Variants in MAPK8IP1 observed in about 807,000 individuals in gnomAD.
MAPK8IP1 encodes C-Jun-amino-terminal kinase-interacting protein 1.
MAPK8IP1 carries 17 observed loss-of-function variants against 72.6 expected under a neutral mutation model. That is an observed-to-expected ratio of 0.23 (90% CI 0.16 to 0.35). MAPK8IP1 has a LOEUF of 0.35. Ranked by LOEUF, MAPK8IP1 falls within the 10% of genes least tolerant of loss-of-function variation. The probability of loss-of-function intolerance (pLI) is 1.00; values close to 1 mark genes in which losing one functional copy is unlikely to be tolerated. For synonymous variants in MAPK8IP1, 401 were observed against 443.4 expected (o/e 0.90, Z 1.20); for missense variants, 789 against 1,009.7 (o/e 0.78, Z 2.96).
intron 10 of MAPK8IP1, 39 bp from the exon 11 acceptor site, chr11:45,905,112 C>T (rs907108242): frequency 5.6e-6 from 9 of 1,611,034 alleles, no homozygotes; most frequent in South Asian, 2.2e-5. Context: ...GGGTGTGGGC[C>T]GAGCCCCCGT....
At chr11:45,894,728 G>A (rs993394690) in intron 1 of MAPK8IP1, among the ~76,000 whole-genome samples, 2 of 152,168 alleles carry the variant, frequency 1.3e-5, no homozygotes, top group Non-Finnish European at 2.9e-5. Flanking sequence ...GGATGAACTC[G>A]CCAGCTCTGC....
chr11:45,897,445 T>C (rs1006519813), intron 1 of MAPK8IP1, among the ~76,000 whole-genome samples: 2 of 152,206 alleles, frequency 1.3e-5, no homozygotes, highest in African/African-American at 4.8e-5. Context: ...TGCAGCCTCC[T>C]GTTCAGGGTC....
Position 45,885,908 on chromosome 11 carries a change from C to T in MAPK8IP1, c.88C>T (p.Pro30Ser), listed in dbSNP as rs768043878. 6.8e-7 allele frequency: 1 copy of T among 1,477,396 alleles called. No homozygotes were observed. Among genetic ancestry groups the T allele is most frequent in the Non-Finnish European group, 9.0e-7 (1 of 1,110,612 alleles). The allele number at this position is 1,477,396 out of a possible 1,614,324, so 91.5% of individuals were successfully genotyped here. A position where few individuals can be genotyped will look rare whatever the true frequency, so the allele number is the denominator to read the frequency against. Residue 30 changes from proline (P) to serine (S), a missense_variant, in exon 1 of 12, where the codon CCT becomes TCT. Physicochemically the swap from Pro to Ser is moderately conservative, Grantham distance 74. This residue lies in a region of MAPK8IP1 where 112 missense variants were observed against 111.8 expected (regional missense o/e 1.00). Coordinates refer to ENST00000241014, the MANE Select transcript of MAPK8IP1 (RefSeq NM_005456.4). ...GTTCCTGGGGCTGCACATCGCTTCGCCTCCCAATTTCAGGTGAGAGTCCCC... is the reference window on the plus strand; with the variant it reads ...GTTCCTGGGGCTGCACATCGCTTCGTCTCCCAATTTCAGGTGAGAGTCCCC... ...SPFLGLHIAS[P>S]PNFRLTHDIS... is the part of the protein sequence containing the mutation.
chr11:45,905,585 T>TC, intron 11 of MAPK8IP1, 64 bp from the exon 12 acceptor site: 1 of 1,455,092 alleles, frequency 6.9e-7, no homozygotes, highest in Admixed American at 1.7e-5. Context: ...AAACCCTGGG[T>TC]CGGGATCCTG....
At position 45,885,680 on chromosome 11, in the gene MAPK8IP1, C is replaced by T. The variant is rs992426248; in HGVS notation, c.-141C>T. ...CCGCGGGCCGTGCGCGGTGCTGTGC[C>T]GCGCCCTGCCAGACACAGGTGCGCC... On this transcript the variant is annotated 5_prime_UTR_variant, in exon 1 of 12. Transcript: ENST00000241014. 8.0e-6 allele frequency: 3 copies of T among 375,018 alleles called. No homozygotes were observed. The highest frequency in any genetic ancestry group is 4.6e-5 in the East Asian group (1 of 21,966). 23.2% of individuals were successfully genotyped at this position (375,018 alleles called of 1,614,324 possible).
At position 45,902,723 on chromosome 11, in the gene MAPK8IP1, C is replaced by G; in HGVS notation, c.956C>G (p.Pro319Arg). Residue 319 changes from proline (P) to arginine (R), a missense_variant, in exon 5 of 12, where the codon CCC becomes CGC. Transcript: ENST00000241014. The surrounding 1 kb of genome is among the most constrained non-coding windows in gnomAD (Gnocchi z 9.3). Reference protein sequence around the residue: ...VSSDPDPAAYPSTAGRPHPSI... With the variant: ...VSSDPDPAAYRSTAGRPHPSI... ...TCCGATCCAGACCCTGCCGCCTACC[C>G]CTCCACGGCAGGGCGGCCGCACCCC... 6.2e-7 allele frequency: 1 copy of G among 1,608,118 alleles called. No homozygotes were observed. The highest frequency in any genetic ancestry group is 8.5e-7 in the Non-Finnish European group (1 of 1,179,510).
chr11:45,895,631 A>T (rs866275017), intron 1 of MAPK8IP1, among the ~76,000 whole-genome samples: 1 of 34,638 alleles, frequency 2.9e-5, no homozygotes, highest in African/African-American at 5.7e-5. Flanking sequence ...AAAAAAAAAA[A>T]AAATATATAT....
Position 45,902,188 on chromosome 11 carries a change from G to C in MAPK8IP1, c.604+127G>C. The C allele has an allele frequency of 9.7e-7, 1 of 1,032,050 alleles. No homozygotes were observed. The highest frequency in any genetic ancestry group is 2.4e-5 in the East Asian group (1 of 41,854). 63.9% of individuals were successfully genotyped at this position (1,032,050 alleles called of 1,614,324 possible). On this transcript the variant is annotated intron_variant, in intron 4 of 11. Coordinates refer to ENST00000241014, the MANE Select transcript of MAPK8IP1 (RefSeq NM_005456.4). The surrounding 1 kb of genome is among the most constrained non-coding windows in gnomAD (Gnocchi z 9.3). ...GAACTGCCCACCCACATCCCTGCACGAGCCCATCCAGGGGCTGAGATCAGT... is the reference window on the plus strand; with the variant it reads ...GAACTGCCCACCCACATCCCTGCACCAGCCCATCCAGGGGCTGAGATCAGT...
chr11:45,893,970 G>T (rs2086585133), intron 1 of MAPK8IP1, among the ~76,000 whole-genome samples: 1 of 152,136 alleles, frequency 6.6e-6, no homozygotes, highest in Non-Finnish European at 1.5e-5. Context: ...TCTTGGATGG[G>T]GGGTGACTTG....
intron 1 of MAPK8IP1, among the ~76,000 whole-genome samples, chr11:45,895,576 T>C (rs1359169688): frequency 6.8e-6 from 1 of 147,112 alleles, no homozygotes; most frequent in East Asian, 2.0e-4. Context: ...GCCAAGATCA[T>C]GTCATTGCTC....
Position 45,885,838 on chromosome 11 carries a change from C to A in MAPK8IP1, c.18C>A (p.Ser6Arg). 1 of 1,436,014 alleles carries A rather than the reference C, an allele frequency of 7.0e-7. No homozygotes were observed. Among genetic ancestry groups the A allele is most frequent in the Non-Finnish European group, 9.1e-7 (1 of 1,092,934 alleles). The allele number at this position is 1,436,014 out of a possible 1,614,324, so 89.0% of individuals were successfully genotyped here. The change falls in exon 1 of 12, where the codon AGC (serine) becomes AGA (arginine). Residue 6 changes from serine to arginine, a missense_variant. Ser to Arg is a moderately radical substitution (Grantham distance 110). Transcript: ENST00000241014. Reference protein sequence around the residue: MAERESGGLGGGAASP... With the variant: MAERERGGLGGGAASP... The stretch of plus-strand genomic sequence containing the variant: ...GCCCGAGAATGGCGGAGCGAGAAAG[C>A]GGCGGCCTGGGAGGGGGGGCCGCGT...
intron 1 of MAPK8IP1, among the ~76,000 whole-genome samples, chr11:45,887,573 C>A (rs1026751559): frequency 5.3e-5 from 8 of 152,230 alleles, no homozygotes; most frequent in Admixed American, 4.6e-4. Flanking sequence ...TTAGTCCACT[C>A]TACGTCCCAG....
chr11:45,896,215 C>G (rs1317471316), intron 1 of MAPK8IP1, among the ~76,000 whole-genome samples: 1 of 152,232 alleles, frequency 6.6e-6, no homozygotes, highest in Non-Finnish European at 1.5e-5. Flanking sequence ...TTCCTGGGTC[C>G]TGAAGGCTCA....
chr11:45,897,004 C>T (rs892267134), intron 1 of MAPK8IP1: 5 of 1,526,066 alleles, frequency 3.3e-6, no homozygotes, highest in Non-Finnish European at 2.7e-6. Context: ...TGAGCTCCAT[C>T]GAGCTCAGGG....
intron 1 of MAPK8IP1, among the ~76,000 whole-genome samples, chr11:45,896,307 TC>T: frequency 6.6e-6 from 1 of 152,046 alleles, no homozygotes; most frequent in South Asian, 2.1e-4. Context: ...TCTGATGAGG[TC>T]GGGGGGCTGA....
chr11:45,892,540 C>T (rs967255811), intron 1 of MAPK8IP1, among the ~76,000 whole-genome samples: 1 of 152,226 alleles, frequency 6.6e-6, no homozygotes, highest in Non-Finnish European at 1.5e-5. Flanking sequence ...GAACCACAGC[C>T]AGGAGGGACT....
chr11:45,892,161 A>AT (rs1286544149), intron 1 of MAPK8IP1, among the ~76,000 whole-genome samples: 2 of 152,152 alleles, frequency 1.3e-5, no homozygotes, highest in East Asian at 3.8e-4. Flanking sequence ...GCCCAACCCC[A>AT]TGTTCACCCA....
rs549861347 is a variant in MAPK8IP1 at position 45,904,805 on chromosome 11, G to T, written c.1864G>T (p.Val622Phe). 2 of 1,613,946 alleles carry T rather than the reference G, an allele frequency of 1.2e-6. No individual in the cohort carries two copies. Among genetic ancestry groups the T allele is most frequent in the African/African-American group, 1.3e-5 (1 of 74,896 alleles). Reference sequence around the variant, plus strand: ...CAGCGTGCGGGGTGTGAAGATAGGCGTCAAGGCCGATGACTCCCAGGAGGC... The same window carrying T: ...CAGCGTGCGGGGTGTGAAGATAGGCTTCAAGGCCGATGACTCCCAGGAGGC... ...EISVRGVKIG[V>F]KADDSQEAKG... The change falls in exon 9 of 12, where the codon GTC becomes TTC. Residue 622 changes from valine (V) to phenylalanine (F), a missense_variant. Coordinates refer to ENST00000241014, the MANE Select transcript of MAPK8IP1 (RefSeq NM_005456.4). This position sits in a 1 kb window ranked among gnomAD's most constrained non-coding sequence, Gnocchi z 6.4.
chr11:45,896,874 C>A, intron 1 of MAPK8IP1: 1 of 1,552,612 alleles, frequency 6.4e-7, no homozygotes, highest in East Asian at 2.4e-5. Context: ...CCGGGCAGGG[C>A]TCTCCATGCA....
Sources: allele counts gnomAD v4.1 joint callset (sites outside exome capture counted in the v4.1 genomes callset), GRCh38; gene constraint gnomAD v4.1.1; regional missense constraint gnomAD v4.1.1; non-coding constraint Gnocchi (gnomAD v3.1); transcripts MANE v1.5; gene names NCBI Gene and HGNC (gene_info 2026-07-23, HGNC 2026-07-21).